Variants in CR1L observed in about 807,000 individuals in gnomAD.
CR1L encodes complement C3b/C4b receptor 1 like, also known as complement component receptor 1-like protein.
In CR1L, 59 loss-of-function variants were observed where a neutral mutation model predicts 62.3. That is an observed-to-expected ratio of 0.95 (90% CI 0.77 to 1.18). CR1L has a LOEUF of 1.18. Among genes scored for constraint, CR1L ranks in the 50% most tolerant of loss-of-function variants. The pLI, the probability that CR1L is intolerant of heterozygous loss-of-function variation, is 0.00. For missense variants in CR1L, 700 were observed against 702.8 expected (o/e 1.00, Z 0.04); for synonymous variants, 279 against 248.7 (o/e 1.12, Z -1.15).
intron 4 of CR1L, among the ~76,000 whole-genome samples, chr1:207,688,062 C>T (rs1663938985): frequency 6.6e-6 from 1 of 152,078 alleles, no homozygotes; most frequent in South Asian, 2.1e-4. Context: ...TGCTTGAAGC[C>T]AGGAGTTCGA....
chr1:207,663,023 G>C (rs971227895), intron 1 of CR1L, among the ~76,000 whole-genome samples: 3 of 152,204 alleles, frequency 2.0e-5, no homozygotes, highest in Non-Finnish European at 4.4e-5. Context: ...TCTCAGAGGA[G>C]TACCCGCTGT....
intron 4 of CR1L, among the ~76,000 whole-genome samples, chr1:207,687,655 T>C (rs1321828124): frequency 2.0e-5 from 3 of 152,220 alleles, no homozygotes; most frequent in East Asian, 3.8e-4. Context: ...GTCACTTTTG[T>C]TGCTGCATGA....
intron 10 of CR1L, among the ~76,000 whole-genome samples, chr1:207,715,741 G>A (rs1399636874): frequency 1.3e-5 from 2 of 151,962 alleles, no homozygotes; most frequent in East Asian, 1.9e-4. Context: ...CAGTTACCCA[G>A]GACAGAATGC....
intron 8 of CR1L, 143 bp from the exon 9 acceptor site, chr1:207,701,376 A>G: frequency 1.0e-6 from 1 of 1,000,062 alleles, no homozygotes; most frequent in Non-Finnish European, 1.5e-6. Context: ...AGGCTCTCTG[A>G]TGAGTTTTCT....
chr1:207,657,114 A>T, intron 1 of CR1L: 5 of 698,424 alleles, frequency 7.2e-6, no homozygotes, highest in Admixed American at 2.3e-5. Context: ...CTTTTTCTTC[A>T]ATTTTAAGAG....
rs553520653 is a variant in CR1L, at chr1:207,650,463, C to T, written c.97+5133C>T. Among the ~76,000 whole-genome samples the T allele has an allele frequency of 5.9e-5, 9 of 152,186 alleles. No individual in the cohort carries two copies. The South Asian group carries it at 1.9e-3, about 32-fold the overall frequency. ...GAAGAGACTGTTAGGAGGAGTTTAACAAGGAGGAGGCCCTTTAATGACTCA... is the reference window on the plus strand; with the variant it reads ...GAAGAGACTGTTAGGAGGAGTTTAATAAGGAGGAGGCCCTTTAATGACTCA... On this transcript the variant is annotated intron_variant, in intron 1 of 11. Coordinates refer to ENST00000508064, the MANE Select transcript of CR1L (RefSeq NM_175710.2).
intron 4 of CR1L, among the ~76,000 whole-genome samples, chr1:207,688,923 A>G (rs935858707): frequency 2.0e-5 from 3 of 152,144 alleles, no homozygotes; most frequent in Non-Finnish European, 4.4e-5. Context: ...GTTTTTCTGT[A>G]TATCTTTTGA....
chr1:207,706,978 G>C (rs1664277236), intron 9 of CR1L, among the ~76,000 whole-genome samples: 1 of 152,158 alleles, frequency 6.6e-6, no homozygotes, highest in Admixed American at 6.5e-5. Flanking sequence ...AGGTAGGCTA[G>C]ACTTACAGAA....
intron 1 of CR1L, chr1:207,657,367 A>C: frequency 1.3e-6 from 1 of 746,730 alleles, no homozygotes; most frequent in South Asian, 1.5e-5. Context: ...TACTCTGGAA[A>C]TATTTTGTAA....
chr1:207,710,741 G>A, intron 10 of CR1L: 4 of 1,609,500 alleles, frequency 2.5e-6, no homozygotes, highest in Non-Finnish European at 3.4e-6. Context: ...TGCAATGCCA[G>A]GCCCTGAACA....
intron 5 of CR1L, among the ~76,000 whole-genome samples, chr1:207,696,370 T>A (rs1464943443): frequency 1.3e-5 from 2 of 152,342 alleles, no homozygotes; most frequent in East Asian, 3.9e-4. Flanking sequence ...TAATTTGGTA[T>A]ATATGCCTCC....
chr1:207,691,233 T>C (rs1293025487), intron 4 of CR1L, among the ~76,000 whole-genome samples: 3 of 152,218 alleles, frequency 2.0e-5, no homozygotes, highest in African/African-American at 4.8e-5. Context: ...TGTTTTATCA[T>C]AATGAAATGT....
intron 10 of CR1L, among the ~76,000 whole-genome samples, chr1:207,712,536 C>T (rs1819222): frequency 0.57 from 86,482 of 152,036 alleles, 25,588 homozygotes; most frequent in East Asian, 0.87. Context: ...ATGTGTCAGC[C>T]GCCTCCAGAA....
intron 1 of CR1L, chr1:207,669,546 C>T (rs1435450213): frequency 1.3e-5 from 20 of 1,568,800 alleles, no homozygotes; most frequent in African/African-American, 5.5e-5. Context: ...TGGTGCTGCT[C>T]GCGCTGCCGG....
intron 8 of CR1L, among the ~76,000 whole-genome samples, chr1:207,700,790 C>T (rs551043328): frequency 3.0e-4 from 46 of 152,292 alleles, no homozygotes; most frequent in Middle Eastern, 3.4e-3. Context: ...CCCCAGGATC[C>T]TGATGAGTGG....
intron 5 of CR1L, among the ~76,000 whole-genome samples, chr1:207,696,739 T>C (rs1351644397): frequency 6.6e-6 from 1 of 152,266 alleles, no homozygotes; most frequent in Non-Finnish European, 1.5e-5. Context: ...AACAGTTTTA[T>C]ATAATTTAGT....
intron 5 of CR1L, 120 bp from the exon 6 acceptor site, chr1:207,697,383 G>T: frequency 1.3e-6 from 2 of 1,584,626 alleles, no homozygotes; most frequent in Non-Finnish European, 1.7e-6. Flanking sequence ...ATGTAATAAG[G>T]CTGTTATTCT....
At chr1:207,686,883 C>T (rs947525614) in intron 4 of CR1L, among the ~76,000 whole-genome samples, 7 of 152,038 alleles carry the variant, frequency 4.6e-5, no homozygotes, top group Admixed American at 1.3e-4. Context: ...TAAAAGAGGC[C>T]CAGAAGAGCT....
intron 5 of CR1L, among the ~76,000 whole-genome samples, chr1:207,696,321 C>T (rs564834013): frequency 2.7e-4 from 41 of 152,364 alleles, no homozygotes; most frequent in Admixed American, 5.9e-4. Context: ...CCTGAGCCAC[C>T]TCTAGAAGTA....
Sources: allele counts gnomAD v4.1 joint callset (sites outside exome capture counted in the v4.1 genomes callset), GRCh38; gene constraint gnomAD v4.1.1; transcripts MANE v1.5; gene names NCBI Gene and HGNC (gene_info 2026-07-23, HGNC 2026-07-21).